The following SCIMP variants were observed in gnomAD, a reference collection of about 807,000 sequenced individuals.
SCIMP encodes the protein SLP adaptor and CSK interacting membrane protein, also known as SLP adapter and CSK-interacting membrane protein.
In SCIMP, 18 loss-of-function variants were observed where a neutral mutation model predicts 22.0. The ratio of observed to expected loss-of-function variants is 0.82; its 90% CI spans 0.56 to 1.21. The LOEUF (loss-of-function observed/expected upper bound fraction) is 1.21. Ranked by LOEUF, SCIMP falls within the 50% of genes most tolerant of loss-of-function variation. The pLI is 0.00. For synonymous variants in SCIMP, 53 were observed against 62.2 expected, an observed-to-expected ratio of 0.85 and a Z score of 0.70; for missense variants, 155 against 171.2, an observed-to-expected ratio of 0.91 and a Z score of 0.53.
chr17:5,217,569 C>A (rs1346378608), intron 3 of SCIMP, among the ~76,000 whole-genome samples: 2 of 127,798 alleles, frequency 1.6e-5, no homozygotes, highest in East Asian at 2.9e-4. Flanking sequence ...CCCCTCCCCC[C>A]ACCCCACAAC....
Position 5,227,999 on chromosome 17 carries a change from C to G in SCIMP, c.22-4543G>C, listed in dbSNP as rs988400563. On this transcript the variant is annotated intron_variant, in intron 1 of 4. Coordinates refer to ENST00000574081, the MANE Select transcript of SCIMP (RefSeq NM_207103.3). ...ACCAGCCTGGCCAACATGGTGAAAC[C>G]CCGTCTCTACTAAAATACAAAAATT... Among the ~76,000 whole-genome samples, 31 of 152,150 alleles carry G rather than the reference C, an allele frequency of 2.0e-4. 1 individual carries two copies. The highest frequency in any genetic ancestry group is 6.3e-4 in the African/African-American group (26 of 41,510).
intron 3 of SCIMP, among the ~76,000 whole-genome samples, chr17:5,217,460 G>C (rs564329847): frequency 6.6e-6 from 1 of 151,352 alleles, no homozygotes; most frequent in African/African-American, 2.4e-5. Flanking sequence ...TGTGCACAAC[G>C]TGCAGGTTTG....
At chr17:5,225,878 G>T (rs2074644753) in intron 1 of SCIMP, among the ~76,000 whole-genome samples, 1 of 152,110 alleles carries the variant, frequency 6.6e-6, no homozygotes, top group Admixed American at 6.6e-5. Context: ...GGAGTTGGGG[G>T]CAGCAGTCTT....
intron 2 of SCIMP, among the ~76,000 whole-genome samples, chr17:5,222,924 C>G (rs1247776428): frequency 6.6e-6 from 1 of 152,142 alleles, no homozygotes; most frequent in Non-Finnish European, 1.5e-5. Flanking sequence ...CTGGGCTTCC[C>G]AAAGGGCTGG....
In SCIMP at chr17:5,215,520, A is replaced by G. The variant is rs147954665; in HGVS notation, c.210-522T>C. Among the ~76,000 whole-genome samples the G allele has an allele frequency of 4.2e-3, 638 of 152,320 alleles. 5 individuals are homozygous for G. Among genetic ancestry groups the G allele is most frequent in the African/African-American group, 0.014 (583 of 41,570 alleles). On this transcript the variant is annotated intron_variant, in intron 3 of 4. Transcript: ENST00000574081. ...TCCCACCTATTCGGGAGGCTGAGGC[A>G]GGGGAATCACTTGAACTTCGGAGGC...
At chr17:5,225,703 G>A (rs954437610) in intron 1 of SCIMP, among the ~76,000 whole-genome samples, 10 of 151,858 alleles carry the variant, frequency 6.6e-5, no homozygotes, top group African/African-American at 1.9e-4. Context: ...CAGAGGTTGC[G>A]GTGAGCCGAG....
At chr17:5,234,655 A>T (rs2074730085) in intron 1 of SCIMP, 80 bp downstream of exon 1, 8 of 1,466,672 alleles carry the variant, frequency 5.5e-6, no homozygotes. Flanking sequence ...GCTCCCAGGG[A>T]CACGCCCTGA....
At chr17:5,216,529 G>A (rs546349773) in intron 3 of SCIMP, among the ~76,000 whole-genome samples, 1 of 152,066 alleles carries the variant, frequency 6.6e-6, no homozygotes, top group Non-Finnish European at 1.5e-5. Context: ...AGCCAGGTGT[G>A]GTGGCGCATG....
intron 1 of SCIMP, among the ~76,000 whole-genome samples, chr17:5,225,702 C>CGGTGAGCCGAGGTTGT (rs2074642651): frequency 6.7e-6 from 1 of 149,588 alleles, no homozygotes; most frequent in South Asian, 2.1e-4. Flanking sequence ...TCAGAGGTTG[C>CGGTGAGCCGAGGTTGT]GGTGAGCCGA....
chr17:5,210,931 G>T lies in SCIMP; in HGVS notation c.308C>A (p.Pro103Gln), dbSNP rs372375934. ...DSSPQEAPSQ[P>Q]PATYSLVNKV... ...ATTTACCAGTGAGTATGTAGCGGGC[G>T]GCTGACTTGGGGCTTCCTGTGGGGC... Residue 103 changes from proline to glutamine, a missense_variant, in exon 5 of 5, where the codon CCG becomes CAG. Physicochemically the swap from Pro to Gln is moderately conservative, Grantham distance 76. Coordinates refer to ENST00000574081, the MANE Select transcript of SCIMP (RefSeq NM_207103.3). The T allele has an allele frequency of 5.6e-6, 9 of 1,612,720 alleles. No individual in the cohort carries two copies. Among genetic ancestry groups the T allele is most frequent in the East Asian group, 4.5e-5 (2 of 44,868 alleles).
At chr17:5,228,517 T>C (rs2074669572) in intron 1 of SCIMP, among the ~76,000 whole-genome samples, 1 of 151,908 alleles carries the variant, frequency 6.6e-6, no homozygotes, top group South Asian at 2.1e-4. Context: ...AGGTGGTGCA[T>C]GCCTATAGTC....
intron 1 of SCIMP, among the ~76,000 whole-genome samples, chr17:5,234,142 G>T (rs2074724960): frequency 6.6e-6 from 1 of 152,060 alleles, no homozygotes; most frequent in African/African-American, 2.4e-5. Context: ...GTGGTGGCGG[G>T]TGCCTGTAAT....
chr17:5,223,272 T>A, intron 2 of SCIMP, 61 bp downstream of exon 2: 1 of 1,581,120 alleles, frequency 6.3e-7, no homozygotes, highest in Non-Finnish European at 8.6e-7. Flanking sequence ...CTAAAGGAGC[T>A]CTACTGCACC....
Position 5,214,838 on chromosome 17 carries a change from TAAAAAAAAAAAAA to T in SCIMP, c.283+74_283+86del, listed in dbSNP as rs34085108. 6.4e-5 allele frequency: 29 copies of T among 453,180 alleles called. No homozygotes were observed. The African/African-American group carries it at 6.5e-4, about 10-fold the overall frequency. 28.1% of individuals were successfully genotyped at this position (453,180 alleles called of 1,614,324 possible). On this transcript the variant is annotated intron_variant, in intron 4 of 4. Coordinates refer to ENST00000574081, the MANE Select transcript of SCIMP (RefSeq NM_207103.3). ...CTGGGTGACAGAGCAAGACTCCATC[TAAAAAAAAAAAAA>T]AAAAAAAAAAAGACACCTTGATAAA...
intron 4 of SCIMP, among the ~76,000 whole-genome samples, chr17:5,212,460 C>G (rs1006416448): frequency 6.6e-5 from 10 of 152,092 alleles, no homozygotes; most frequent in African/African-American, 2.4e-4. Flanking sequence ...TGGTGAAACC[C>G]CATCTCTACT....
intron 4 of SCIMP, among the ~76,000 whole-genome samples, chr17:5,211,793 T>G (rs2585277): frequency 1.3e-5 from 2 of 151,970 alleles, no homozygotes; most frequent in Non-Finnish European, 1.5e-5. Flanking sequence ...CGCGGTGGCT[T>G]ATGCCTGTAA....
intron 4 of SCIMP, among the ~76,000 whole-genome samples, chr17:5,211,855 C>T (rs953563413): frequency 3.3e-5 from 5 of 151,762 alleles, no homozygotes; most frequent in African/African-American, 9.7e-5. Flanking sequence ...GTCGGGAGTT[C>T]GAGACCAGCC....
Position 5,210,474 on chromosome 17 carries a change from G to T in SCIMP, c.*327C>A. On this transcript the variant is annotated 3_prime_UTR_variant, in exon 5 of 5. Coordinates refer to ENST00000574081, the MANE Select transcript of SCIMP (RefSeq NM_207103.3). The stretch of plus-strand genomic sequence containing the variant: ...ATGCAAACCAAAGGGAATGAAGGGG[G>T]AAAGAATGCCAAGAAATGAGTAGTT... The T allele has an allele frequency of 4.4e-6, 1 of 229,396 alleles. No homozygotes were observed. Among genetic ancestry groups the T allele is most frequent in the Non-Finnish European group, 8.5e-6 (1 of 116,978 alleles). 14.2% of individuals were successfully genotyped at this position (229,396 alleles called of 1,614,324 possible).
intron 4 of SCIMP, among the ~76,000 whole-genome samples, chr17:5,211,257 C>A (rs1567836512): frequency 6.6e-6 from 1 of 152,166 alleles, no homozygotes; most frequent in South Asian, 2.1e-4. Context: ...TGCAGAAGCT[C>A]ACACCTGTAG....
Sources: allele counts gnomAD v4.1 joint callset (sites outside exome capture counted in the v4.1 genomes callset), GRCh38; gene constraint gnomAD v4.1.1; transcripts MANE v1.5; gene names NCBI Gene and HGNC (gene_info 2026-07-23, HGNC 2026-07-21).